FSIP2: variants seen among roughly 807,000 people sequenced by gnomAD.
FSIP2 encodes the protein fibrous sheath-interacting protein 2.
In FSIP2, 367 loss-of-function variants were observed where a neutral mutation model predicts 510.5. That is an observed-to-expected ratio of 0.72 (90% CI 0.66 to 0.78). FSIP2 has a LOEUF of 0.78. Ranked by LOEUF, FSIP2 falls within the 30% of genes least tolerant of loss-of-function variation. The pLI is 0.00. For missense variants in FSIP2, 7,594 were observed against 7,901.7 expected, an observed-to-expected ratio of 0.96 and a Z score of 1.48; for synonymous variants, 2,601 against 2,732.2, an observed-to-expected ratio of 0.95 and a Z score of 1.50.
rs1456651886 is a variant in FSIP2 at position 185,792,148 on chromosome 2, A to G, written c.5012A>G (p.Asn1671Ser). Residue 1671 changes from asparagine (N) to serine (S), a missense_variant, in exon 16 of 23, where the codon AAC becomes AGC. Asn to Ser is a conservative substitution (Grantham distance 46, BLOSUM62 1). Coordinates refer to ENST00000424728, the MANE Select transcript of FSIP2 (RefSeq NM_173651.4). Reference sequence around the variant, plus strand: ...TCAGATTTGAAGACAAGTGTAGAAAACCCACCACCTGAGACTCAAATACTT... The same window carrying G: ...TCAGATTTGAAGACAAGTGTAGAAAGCCCACCACCTGAGACTCAAATACTT... Reference protein sequence around the residue: ...TSSDLKTSVENPPPETQILKY... With the variant: ...TSSDLKTSVESPPPETQILKY... The G allele has an allele frequency of 3.3e-6, 5 of 1,533,148 alleles. No homozygotes were observed. 95.0% of individuals were successfully genotyped at this position (1,533,148 alleles called of 1,614,324 possible).
At chr2:185,777,442 C>CA (rs1462582991) in intron 13 of FSIP2, among the ~76,000 whole-genome samples, 1 of 141,110 alleles carries the variant, frequency 7.1e-6, no homozygotes, top group Non-Finnish European at 1.5e-5. Flanking sequence ...ACCTGAAGTG[C>CA]AATGATTAAT....
At chr2:185,755,770 T>C (rs962838028) in intron 8 of FSIP2, among the ~76,000 whole-genome samples, 2 of 151,492 alleles carry the variant, frequency 1.3e-5, no homozygotes, top group African/African-American at 4.8e-5. Flanking sequence ...AAAGCAAAAC[T>C]ACAATTACAT....
chr2:185,792,743 T>C lies in FSIP2; in HGVS notation c.5607T>C (p.Tyr1869=), dbSNP rs1282763868. Residue 1869 remains tyrosine (Y), a synonymous_variant, in exon 16 of 23, where the codon TAT becomes TAC. Transcript: ENST00000424728. Reference sequence around the variant, plus strand: ...AAAGAAATGTAAGGGAAAATAGGTATAAAACTATCACTTTTTCAGCAAATG... The same window carrying C: ...AAAGAAATGTAAGGGAAAATAGGTACAAAACTATCACTTTTTCAGCAAATG... ...MTERNVRENR[Y]KTITFSANVS... 10 of 1,534,200 alleles carry C rather than the reference T, an allele frequency of 6.5e-6. No homozygotes were observed. Among genetic ancestry groups the C allele is most frequent in the Non-Finnish European group, 6.1e-6 (7 of 1,145,616 alleles).
chr2:185,802,914 A>T lies in FSIP2; in HGVS notation c.13608A>T (p.Ser4536=). ...AAGAAGAAACCAAGTTTATTTATTCAGAAGATGATATTCAGCACCTTGTTG... is the reference window on the plus strand; with the variant it reads ...AAGAAGAAACCAAGTTTATTTATTCTGAAGATGATATTCAGCACCTTGTTG... ...KEEEETKFIY[S]EDDIQHLVDS... The change falls in exon 17 of 23, where the codon TCA becomes TCT. Residue 4536 remains serine (S), a synonymous_variant. Transcript: ENST00000424728. 6.7e-7 allele frequency: 1 copy of T among 1,500,828 alleles called. No homozygotes were observed. Among genetic ancestry groups the T allele is most frequent in the Non-Finnish European group, 8.8e-7 (1 of 1,133,892 alleles). The allele number at this position is 1,500,828 out of a possible 1,614,324, so 93.0% of individuals were successfully genotyped here.
intron 11 of FSIP2, 103 bp from the exon 12 acceptor site, chr2:185,763,080 C>A: frequency 1.6e-6 from 1 of 617,766 alleles, no homozygotes; most frequent in Non-Finnish European, 2.9e-6. Flanking sequence ...GTCACTGTGG[C>A]AGCTGAGCAG....
intron 16 of FSIP2, among the ~76,000 whole-genome samples, chr2:185,798,245 C>A (rs1227662698): frequency 6.6e-6 from 1 of 151,716 alleles, no homozygotes; most frequent in Non-Finnish European, 1.5e-5. Context: ...TTTTTGTATT[C>A]TTGAAGGCTT....
chr2:185,781,677 T>C (rs1237099577), intron 13 of FSIP2, among the ~76,000 whole-genome samples: 1 of 152,242 alleles, frequency 6.6e-6, no homozygotes, highest in Non-Finnish European at 1.5e-5. Flanking sequence ...AGTTCTCCTA[T>C]CTCTTTGAAA....
chr2:185,791,443 T>C lies in FSIP2; in HGVS notation c.4307T>C (p.Ile1436Thr), dbSNP rs762552089. Residue 1436 changes from isoleucine (I) to threonine (T), a missense_variant, in exon 16 of 23, where the codon ATT becomes ACT. Physicochemically the swap from Ile to Thr is moderately conservative, Grantham distance 89 (BLOSUM62 -1). Coordinates refer to ENST00000424728, the MANE Select transcript of FSIP2 (RefSeq NM_173651.4). Reference sequence around the variant, plus strand: ...GCAAAATTGCAAGTGTTAGAAAGAATTGGGGAAACACTACATGAAATGTTA... The same window carrying C: ...GCAAAATTGCAAGTGTTAGAAAGAACTGGGGAAACACTACATGAAATGTTA... ...ENAKLQVLERIGETLHEMLSK... is the reference protein window; with the variant it reads ...ENAKLQVLERTGETLHEMLSK... The C allele has an allele frequency of 7.8e-5, 119 of 1,534,114 alleles. No individual in the cohort carries two copies. Among genetic ancestry groups the C allele is most frequent in the Non-Finnish European group, 1.0e-4 (118 of 1,145,614 alleles).
intron 17 of FSIP2, among the ~76,000 whole-genome samples, chr2:185,812,793 T>A (rs1693759885): frequency 6.6e-6 from 1 of 152,120 alleles, no homozygotes; most frequent in Non-Finnish European, 1.5e-5. Context: ...TTATTGCAGA[T>A]ATTCCTTTGA....
At position 185,808,253 on chromosome 2, in the gene FSIP2, T is replaced by G. The variant is rs754674403; in HGVS notation, c.18947T>G (p.Val6316Gly). 30 of 1,601,680 alleles carry G rather than the reference T, an allele frequency of 1.9e-5. 1 individual carries two copies. In the Admixed American group the frequency reaches 5.2e-4, roughly 28 times the overall value. The change falls in exon 17 of 23, where the codon GTC becomes GGC. Residue 6316 changes from valine to glycine, a missense_variant. Coordinates refer to ENST00000424728, the MANE Select transcript of FSIP2 (RefSeq NM_173651.4). ...AATTCAGAATTAGTTCTGGAAGCTGTCAAAATTATGGAAAAAGTGATCAAA... is the reference window on the plus strand; with the variant it reads ...AATTCAGAATTAGTTCTGGAAGCTGGCAAAATTATGGAAAAAGTGATCAAA... ...VSNSELVLEA[V>G]KIMEKVIKII...
rs2105511904 is a variant in FSIP2 at position 185,833,278 on chromosome 2, T to G, written c.*52T>G. The G allele has an allele frequency of 6.8e-7, 1 of 1,472,046 alleles. No homozygotes were observed. The allele number at this position is 1,472,046 out of a possible 1,614,324, so 91.2% of individuals were successfully genotyped here. ...TTACTTCTTTTAGAAAATAAAATGG[T>G]TTTTAAAGCATAGTATAGCGTCTTA... On this transcript the variant is annotated 3_prime_UTR_variant, in exon 23 of 23. Transcript: ENST00000424728.
Position 185,763,767 on chromosome 2 carries a change from A to C in FSIP2, c.1347+478A>C, listed in dbSNP as rs1352932241. On this transcript the variant is annotated intron_variant, in intron 12 of 22. Coordinates refer to ENST00000424728, the MANE Select transcript of FSIP2 (RefSeq NM_173651.4). ...AATGTGGTTTGAAATAGATTTCAAT[A>C]AACTAGAAATGTACTAAATTATTTC... 2.6e-5 allele frequency among the ~76,000 whole-genome samples: 4 copies of C among 151,588 alleles called. No individual in the cohort carries two copies. The Admixed American group carries it at 2.6e-4, about 10-fold the overall frequency.
intron 13 of FSIP2, among the ~76,000 whole-genome samples, chr2:185,771,747 GTAAGTGATTGC>G (rs1035381015): frequency 6.6e-6 from 1 of 152,154 alleles, no homozygotes; most frequent in African/African-American, 2.4e-5. Context: ...AATCTCTCTA[GTAAGTGATTGC>G]TCCACAACCT....
At chr2:185,764,431 T>C in intron 12 of FSIP2, 71 bp from the exon 13 acceptor site, 1 of 784,202 alleles carries the variant, frequency 1.3e-6, no homozygotes, top group East Asian at 2.7e-5. Flanking sequence ...AATATAGAAA[T>C]AATAGTTGAT....
chr2:185,824,333 AG>A, intron 19 of FSIP2, 100 bp from the exon 20 acceptor site: 3 of 764,018 alleles, frequency 3.9e-6, no homozygotes, highest in Non-Finnish European at 6.8e-6. Flanking sequence ...ATACTATTTC[AG>A]GTTTCTTTCC....
intron 13 of FSIP2, among the ~76,000 whole-genome samples, chr2:185,766,958 C>A: frequency 8.5e-6 from 1 of 117,044 alleles, no homozygotes; most frequent in African/African-American, 3.3e-5. Flanking sequence ...GAAAATGTGG[C>A]ACATATACAC....
rs1056106127 is a variant in FSIP2 at position 185,753,787 on chromosome 2, C to A, written c.936C>A (p.Asn312Lys). The change falls in exon 8 of 23, where the codon AAC (asparagine) becomes AAA (lysine). Residue 312 changes from asparagine (N) to lysine (K), a missense_variant. Physicochemically the swap from Asn to Lys is moderately conservative, Grantham distance 94. Coordinates refer to ENST00000424728, the MANE Select transcript of FSIP2 (RefSeq NM_173651.4). ...AAAAAATGCAAGATACTGGCTTTAA[C>A]GGAGAAGATATAGGAAAAAATACAT... is the stretch of plus-strand genomic sequence containing the variant. ...HLQKMQDTGFNGEDIGKNTFK... is the reference protein window; with the variant it reads ...HLQKMQDTGFKGEDIGKNTFK... 1 of 1,466,750 alleles carries A rather than the reference C, an allele frequency of 6.8e-7. No homozygotes were observed. The highest frequency in any genetic ancestry group is 1.4e-5 in the African/African-American group (1 of 70,490). 90.9% of individuals were successfully genotyped at this position (1,466,750 alleles called of 1,614,324 possible).
chr2:185,743,298 G>C lies in FSIP2; in HGVS notation c.387+4G>C, dbSNP rs922799221. On this transcript the variant is annotated splice_donor_region_variant and intron_variant, in intron 3 of 22. Transcript: ENST00000424728. ...CTACATCACCAGCAATAATAAAGTG[G>C]GTTGAAAATTACTTCTTTTTTTAAT... 47 of 1,469,354 alleles carry C rather than the reference G, an allele frequency of 3.2e-5. No individual in the cohort carries two copies. The highest frequency in any genetic ancestry group is 3.8e-4 in the Middle Eastern group (2 of 5,240). The allele number at this position is 1,469,354 out of a possible 1,614,324, so 91.0% of individuals were successfully genotyped here.
chr2:185,759,595 T>A (rs1459263620), intron 9 of FSIP2, among the ~76,000 whole-genome samples: 1 of 97,704 alleles, frequency 1.0e-5, no homozygotes, highest in African/African-American at 3.8e-5. Context: ...ATAATTATGA[T>A]TACTATATTA....
Sources: gnomAD v4.1 joint callset for allele counts (sites outside exome capture counted in the v4.1 genomes callset) on GRCh38, gnomAD v4.1.1 for gene constraint, MANE v1.5 for transcripts, NCBI Gene and HGNC (gene_info 2026-07-23, HGNC 2026-07-21) for gene names.